The following PIK3R5 variants were observed in gnomAD, a reference collection of about 807,000 sequenced individuals.
PIK3R5 encodes phosphoinositide 3-kinase regulatory subunit 5.
PIK3R5 carries 32 observed loss-of-function variants against 94.9 expected under a neutral mutation model. That is an observed-to-expected ratio of 0.34 (90% CI 0.25 to 0.45). The LOEUF (loss-of-function observed/expected upper bound fraction) is 0.45. Among genes scored for constraint, PIK3R5 ranks in the 20% least tolerant of loss-of-function variants. The probability of loss-of-function intolerance (pLI) is 1.00; values close to 1 mark genes in which losing one functional copy is unlikely to be tolerated. For synonymous variants in PIK3R5, 443 were observed against 479.4 expected, an observed-to-expected ratio of 0.92 and a Z score of 0.99; for missense variants, 853 against 1,144.6, an observed-to-expected ratio of 0.75 and a Z score of 3.68.
In PIK3R5 at chr17:8,892,144, G is replaced by A. The variant is rs930857185; in HGVS notation, c.483-1232C>T. On this transcript the variant is annotated intron_variant, in intron 6 of 18. Transcript: ENST00000447110. The surrounding 1 kb of genome is among the most constrained non-coding windows in gnomAD (Gnocchi z 4.3). ...CAATTCCACACTGCGTTTAAACCCAGTGCAAAGGAGCACCACGCAGGGCAG... is the reference window on the plus strand; with the variant it reads ...CAATTCCACACTGCGTTTAAACCCAATGCAAAGGAGCACCACGCAGGGCAG... Among the ~76,000 whole-genome samples the A allele has an allele frequency of 6.6e-6, 1 of 152,158 alleles. No individual in the cohort carries two copies. The highest frequency in any genetic ancestry group is 1.5e-5 in the Non-Finnish European group (1 of 68,040).
intron 1 of PIK3R5, among the ~76,000 whole-genome samples, chr17:8,959,028 G>C (rs1172206752): frequency 1.3e-5 from 2 of 152,196 alleles, no homozygotes; most frequent in African/African-American, 2.4e-5. Flanking sequence ...AAAGTGCTGG[G>C]ATTACAGGTG....
chr17:8,947,498 C>G (rs555218746), intron 1 of PIK3R5, among the ~76,000 whole-genome samples: 1 of 151,920 alleles, frequency 6.6e-6, no homozygotes, highest in African/African-American at 2.4e-5. Flanking sequence ...GAATTGTTTC[C>G]GTGCGTATCT....
rs103033 is a variant in PIK3R5 at position 8,889,870 on chromosome 17, A to C, written c.811+103T>G. ...GCTGAAGAAGCTGAGTCCCTGAGTGACTGTGTGGAGCAGAGCCACCAGGCC... is the reference window on the plus strand; with the variant it reads ...GCTGAAGAAGCTGAGTCCCTGAGTGCCTGTGTGGAGCAGAGCCACCAGGCC... On this transcript the variant is annotated intron_variant, in intron 8 of 18. Transcript: ENST00000447110. This position sits in a 1 kb window ranked among gnomAD's most constrained non-coding sequence, Gnocchi z 4.1. 0.4 allele frequency: 480,315 copies of C among 1,189,124 alleles called. 99,016 individuals are homozygous for C. Among genetic ancestry groups the C allele is most frequent in the Middle Eastern group, 0.43 (1,522 of 3,534 alleles). The allele number at this position is 1,189,124 out of a possible 1,614,324, so 73.7% of individuals were successfully genotyped here. A position where few individuals can be genotyped will look rare whatever the true frequency, so the allele number is the denominator to read the frequency against.
Sources: allele counts gnomAD v4.1 joint callset (sites outside exome capture counted in the v4.1 genomes callset), GRCh38; gene constraint gnomAD v4.1.1; non-coding constraint Gnocchi (gnomAD v3.1); transcripts MANE v1.5; gene names NCBI Gene and HGNC (gene_info 2026-07-23, HGNC 2026-07-21).